Variants in DHX15 observed in about 807,000 individuals in gnomAD.
DHX15 encodes the protein DEAH-box helicase 15.
DHX15 carries 11 observed loss-of-function variants against 94.4 expected under a neutral mutation model. The observed-to-expected ratio is 0.12, with a 90% CI of 0.07 to 0.19. The LOEUF (loss-of-function observed/expected upper bound fraction) is 0.19, where lower values mean the gene tolerates loss of function less well. Among genes scored for constraint, DHX15 ranks in the 10% least tolerant of loss-of-function variants. The pLI, the probability that DHX15 is intolerant of heterozygous loss-of-function variation, is 1.00. For synonymous variants in DHX15, 338 were observed against 329.9 expected (o/e 1.02, Z -0.27); for missense variants, 304 against 988.5 (o/e 0.31, Z 9.29).
Position 24,584,305 on chromosome 4 carries a change from G to T in DHX15, c.71+18C>A. On this transcript the variant is annotated intron_variant, in intron 1 of 13. Transcript: ENST00000336812. The stretch of plus-strand genomic sequence containing the variant: ...AACAAAGCCCGAGCTGCCGCCTCGC[G>T]CCCCCGGCCTGGCTTACCCATCGGT... 6.2e-7 allele frequency: 1 copy of T among 1,607,190 alleles called. No individual in the cohort carries two copies. Among genetic ancestry groups the T allele is most frequent in the East Asian group, 2.3e-5 (1 of 44,444 alleles).
chr4:24,529,936 TG>T (rs1721038968), intron 12 of DHX15, 166 bp from the exon 13 acceptor site: 3 of 691,322 alleles, frequency 4.3e-6, no homozygotes, highest in Non-Finnish European at 7.3e-6. Context: ...CTGCTGCCTG[TG>T]GGCCAAATCC....
chr4:24,576,543 A>G lies in DHX15; in HGVS notation c.207T>C (p.Leu69=). The G allele has an allele frequency of 6.2e-7, 1 of 1,614,170 alleles. No individual in the cohort carries two copies. The highest frequency in any genetic ancestry group is 8.5e-7 in the Non-Finnish European group (1 of 1,180,036). ...KELRASTNAM[L]ISAGLPPLKA... ...TCAAAGGTGGTAATCCAGCACTGAT[A>G]AGCATAGCATTTGTTGAAGCTCGCA... is the stretch of plus-strand genomic sequence containing the variant. The change falls in exon 2 of 14, where the codon CTT becomes CTC. Residue 69 remains leucine (L), a synonymous_variant. Coordinates refer to ENST00000336812, the MANE Select transcript of DHX15 (RefSeq NM_001358.3).
intron 2 of DHX15, among the ~76,000 whole-genome samples, chr4:24,572,027 T>C (rs1257206247): frequency 6.6e-6 from 1 of 152,244 alleles, no homozygotes; most frequent in Admixed American, 6.5e-5. Flanking sequence ...GCAACCCTTT[T>C]ACAAAGGCAA....
At chr4:24,578,532 G>GA (rs565442898) in intron 1 of DHX15, among the ~76,000 whole-genome samples, 23 of 152,280 alleles carry the variant, frequency 1.5e-4, no homozygotes, top group Admixed American at 1.3e-3. Flanking sequence ...AACCATGGGG[G>GA]AAGGAGGAGA....
At chr4:24,569,350 T>C (rs1255323040) in intron 3 of DHX15, among the ~76,000 whole-genome samples, 1 of 152,092 alleles carries the variant, frequency 6.6e-6, no homozygotes, top group African/African-American at 2.4e-5. Context: ...CCCAGCACTG[T>C]GGGAGGCTGA....
chr4:24,537,328 T>C lies in DHX15; in HGVS notation c.1787-155A>G, dbSNP rs1560761652. 1 of 900,806 alleles carries C rather than the reference T, an allele frequency of 1.1e-6. No individual in the cohort carries two copies. Among genetic ancestry groups the C allele is most frequent in the Non-Finnish European group, 1.6e-6 (1 of 617,720 alleles). The allele number at this position is 900,806 out of a possible 1,614,324, so 55.8% of individuals were successfully genotyped here. On this transcript the variant is annotated intron_variant, in intron 10 of 13. Coordinates refer to ENST00000336812, the MANE Select transcript of DHX15 (RefSeq NM_001358.3). This position sits in a 1 kb window ranked among gnomAD's most constrained non-coding sequence, Gnocchi z 4.7. ...ATCTTGGATTGTTTACTACCTTGAT[T>C]TGGTACATCAACACCTAACCACATC... is the stretch of plus-strand genomic sequence containing the variant.
intron 7 of DHX15, 35 bp from the exon 8 acceptor site, chr4:24,542,057 C>CA (rs1324468384): frequency 2.0e-6 from 3 of 1,537,258 alleles, no homozygotes; most frequent in Non-Finnish European, 2.6e-6. Context: ...AGTCTTTCTT[C>CA]AGTCAAACAC....
chr4:24,540,740 C>A, intron 9 of DHX15, 100 bp downstream of exon 9: 1 of 637,762 alleles, frequency 1.6e-6, no homozygotes, highest in Non-Finnish European at 2.6e-6. Flanking sequence ...ATGGAAAAAG[C>A]AAAATGTATT....
At chr4:24,553,191 C>T (rs1316714041) in intron 5 of DHX15, among the ~76,000 whole-genome samples, 1 of 152,076 alleles carries the variant, frequency 6.6e-6, no homozygotes, top group Non-Finnish European at 1.5e-5. Context: ...CATGGTGGCG[C>T]ATGCCTGTAA....
intron 3 of DHX15, among the ~76,000 whole-genome samples, chr4:24,561,408 C>A (rs186143165): frequency 6.6e-6 from 1 of 152,244 alleles, no homozygotes; most frequent in East Asian, 1.9e-4. Context: ...GGCAACTTCT[C>A]AAAGATTTAT....
chr4:24,546,769 C>A (rs1560765076), intron 6 of DHX15, among the ~76,000 whole-genome samples: 5 of 152,028 alleles, frequency 3.3e-5, no homozygotes, highest in African/African-American at 1.2e-4. Context: ...AAAAGGGACT[C>A]AAATATAAAG....
chr4:24,532,683 A>T (rs1236437137), intron 12 of DHX15, among the ~76,000 whole-genome samples, 181 bp downstream of exon 12: 1 of 152,206 alleles, frequency 6.6e-6, no homozygotes. Flanking sequence ...GTTACTCATT[A>T]AATACTTAAA....
chr4:24,572,788 G>A (rs1018458653), intron 2 of DHX15, among the ~76,000 whole-genome samples: 1 of 152,150 alleles, frequency 6.6e-6, no homozygotes, highest in Non-Finnish European at 1.5e-5. Flanking sequence ...GAACTCCCAG[G>A]CAATAGCTGG....
At chr4:24,579,603 G>T (rs1332802683) in intron 1 of DHX15, among the ~76,000 whole-genome samples, 1 of 152,144 alleles carries the variant, frequency 6.6e-6, no homozygotes, top group African/African-American at 2.4e-5. Flanking sequence ...CTTGGCTCAA[G>T]ACTTAAGCCA....
At chr4:24,548,756 T>A in intron 6 of DHX15, 99 bp downstream of exon 6, 1 of 1,151,290 alleles carries the variant, frequency 8.7e-7, no homozygotes, top group South Asian at 1.9e-5. Flanking sequence ...AAAACCTAGA[T>A]CACAATCACC....
chr4:24,582,354 C>G (rs958864529), intron 1 of DHX15, among the ~76,000 whole-genome samples: 1 of 152,166 alleles, frequency 6.6e-6, no homozygotes, highest in Admixed American at 6.5e-5. Context: ...AAAAGTCAAC[C>G]TTTTTACTAA....
intron 9 of DHX15, among the ~76,000 whole-genome samples, chr4:24,540,624 C>A (rs1323419769): frequency 1.4e-5 from 2 of 144,496 alleles, no homozygotes; most frequent in Non-Finnish European, 3.1e-5. Context: ...TTTACCCAAA[C>A]CCCCCCATAA....
chr4:24,562,003 C>T (rs941022744), intron 3 of DHX15, among the ~76,000 whole-genome samples: 1 of 151,862 alleles, frequency 6.6e-6, no homozygotes, highest in African/African-American at 2.4e-5. Flanking sequence ...TGGTGGCGTG[C>T]ACCTGTAGCC....
At chr4:24,543,385 T>C (rs1459456863) in intron 6 of DHX15, among the ~76,000 whole-genome samples, 2 of 152,166 alleles carry the variant, frequency 1.3e-5, no homozygotes, top group Non-Finnish European at 2.9e-5. Context: ...TTATAATTAG[T>C]ATTCAAATTT....
Sources: gnomAD v4.1 joint callset for allele counts (sites outside exome capture counted in the v4.1 genomes callset) on GRCh38, gnomAD v4.1.1 for gene constraint, Gnocchi (gnomAD v3.1) non-coding constraint, MANE v1.5 for transcripts, NCBI Gene and HGNC (gene_info 2026-07-23, HGNC 2026-07-21) for gene names.